The following ITGBL1 variants were observed in gnomAD, a reference collection of about 807,000 sequenced individuals.
The protein encoded by ITGBL1 is integrin subunit beta like 1, also known as integrin beta-like protein 1.
ITGBL1 carries 51 observed loss-of-function variants against 68.5 expected under a neutral mutation model. That is an observed-to-expected ratio of 0.74 (90% confidence interval 0.59 to 0.94). ITGBL1 has a LOEUF of 0.94. ITGBL1 is among the 40% of genes least tolerant of loss of function. ITGBL1 has a pLI of 0.00. For missense variants in ITGBL1, 649 were observed against 647.4 expected (o/e 1.00, Z -0.03); for synonymous variants, 209 against 227.3 (o/e 0.92, Z 0.72).
At chr13:101,482,701 C>CG (rs2048643172) in intron 2 of ITGBL1, among the ~76,000 whole-genome samples, 1 of 151,954 alleles carries the variant, frequency 6.6e-6, no homozygotes, top group Admixed American at 6.6e-5. Flanking sequence ...TTTTCAAATA[C>CG]TCATAGGTGT....
chr13:101,530,731 A>G (rs2049459339), intron 2 of ITGBL1, among the ~76,000 whole-genome samples: 2 of 152,226 alleles, frequency 1.3e-5, no homozygotes, highest in Non-Finnish European at 2.9e-5. Context: ...TAACACACAC[A>G]TTAAATCTTC....
intron 2 of ITGBL1, among the ~76,000 whole-genome samples, chr13:101,509,960 A>C (rs2049088940): frequency 6.6e-6 from 1 of 152,170 alleles, no homozygotes; most frequent in African/African-American, 2.4e-5. Flanking sequence ...TGATCTTGAA[A>C]GAACAAAAGA....
intron 7 of ITGBL1, among the ~76,000 whole-genome samples, chr13:101,657,224 G>C (rs2032954603): frequency 6.6e-6 from 1 of 152,106 alleles, no homozygotes; most frequent in African/African-American, 2.4e-5. Context: ...CTTTTATTAT[G>C]CTTAGCCCAG....
chr13:101,603,844 G>A lies in ITGBL1; in HGVS notation c.1015+5545G>A, dbSNP rs140492763. Among the ~76,000 whole-genome samples, 104 of 151,958 alleles carry A rather than the reference G, an allele frequency of 6.8e-4. 1 individual carries two copies. Among genetic ancestry groups the A allele is most frequent in the African/African-American group, 2.3e-3 (97 of 41,514 alleles). Reference sequence around the variant, plus strand: ...CTTTTTCAGTTACATTTAAGTTAGAGAACTTTAGGTACAGTGATTTTTACT... The same window carrying A: ...CTTTTTCAGTTACATTTAAGTTAGAAAACTTTAGGTACAGTGATTTTTACT... On this transcript the variant is annotated intron_variant, in intron 7 of 10. Coordinates refer to ENST00000376180, the MANE Select transcript of ITGBL1 (RefSeq NM_004791.3).
intron 2 of ITGBL1, among the ~76,000 whole-genome samples, chr13:101,479,541 A>C (rs936713623): frequency 1.3e-5 from 2 of 152,136 alleles, no homozygotes; most frequent in Non-Finnish European, 2.9e-5. Context: ...ATAGGATAAA[A>C]TATTTGCAAA....
chr13:101,598,276 C>G lies in ITGBL1; in HGVS notation c.992C>G (p.Ser331Trp), dbSNP rs149452109. 103 of 1,612,844 alleles carry G rather than the reference C, an allele frequency of 6.4e-5. No individual in the cohort carries two copies. Among genetic ancestry groups the G allele is most frequent in the South Asian group, 4.1e-4 (37 of 90,942 alleles). The part of the protein sequence containing the change: ...EESIRKCQGS[S>W]DLPCSGRGKC... ...AGCATCAGGAAGTGCCAGGGAAGCTCGGATCTGCCTTGCTCTGGGAGGGGT... is the reference window on the plus strand; with the variant it reads ...AGCATCAGGAAGTGCCAGGGAAGCTGGGATCTGCCTTGCTCTGGGAGGGGT... The change falls in exon 7 of 11, where the codon TCG (serine) becomes TGG (tryptophan). Residue 331 changes from serine (S) to tryptophan (W), a missense_variant. Ser to Trp is a radical substitution (Grantham distance 177, BLOSUM62 -3). Transcript: ENST00000376180.
At chr13:101,652,334 G>C (rs1041455295) in intron 7 of ITGBL1, among the ~76,000 whole-genome samples, 1 of 152,062 alleles carries the variant, frequency 6.6e-6, no homozygotes, top group Non-Finnish European at 1.5e-5. Flanking sequence ...TTCAGCAACA[G>C]GGTGGCCATG....
chr13:101,646,892 T>A (rs895969562), intron 7 of ITGBL1, among the ~76,000 whole-genome samples: 2 of 152,108 alleles, frequency 1.3e-5, no homozygotes, highest in Non-Finnish European at 2.9e-5. Context: ...GAGAAAGAAA[T>A]TCAAATATCA....
intron 7 of ITGBL1, among the ~76,000 whole-genome samples, chr13:101,639,361 T>A (rs368256769): frequency 1.3e-5 from 2 of 152,198 alleles, no homozygotes; most frequent in African/African-American, 4.8e-5. Context: ...TTGGAAAGAC[T>A]GATAATGTTG....
At chr13:101,640,501 A>T (rs2032326140) in intron 7 of ITGBL1, among the ~76,000 whole-genome samples, 2 of 152,166 alleles carry the variant, frequency 1.3e-5, no homozygotes, top group South Asian at 4.1e-4. Flanking sequence ...ATCTCACCGT[A>T]TATTTTTTTA....
chr13:101,537,873 A>G (rs573873784), intron 2 of ITGBL1, among the ~76,000 whole-genome samples: 1 of 152,060 alleles, frequency 6.6e-6, no homozygotes, highest in Non-Finnish European at 1.5e-5. Context: ...GGTCAGTTGC[A>G]GCTTAATCAA....
chr13:101,481,987 G>C (rs1412170711), intron 2 of ITGBL1, among the ~76,000 whole-genome samples: 1 of 152,008 alleles, frequency 6.6e-6, no homozygotes, highest in Non-Finnish European at 1.5e-5. Context: ...ATATTTGGGA[G>C]GCAAAGGAAT....
intron 7 of ITGBL1, among the ~76,000 whole-genome samples, chr13:101,673,560 A>G (rs2033428402): frequency 6.6e-6 from 1 of 152,182 alleles, no homozygotes. Flanking sequence ...TTACAACAGG[A>G]CTTACCTAAT....
chr13:101,674,545 ATTTC>A (rs1055591438), intron 7 of ITGBL1, among the ~76,000 whole-genome samples: 2 of 151,514 alleles, frequency 1.3e-5, no homozygotes, highest in African/African-American at 4.9e-5. Flanking sequence ...GTTACTTTCT[ATTTC>A]TTTCTTATGA....
chr13:101,688,064 T>C (rs1214216268), intron 7 of ITGBL1, among the ~76,000 whole-genome samples: 3 of 152,042 alleles, frequency 2.0e-5, no homozygotes, highest in Non-Finnish European at 2.9e-5. Context: ...ATAATAATAT[T>C]ATTTAGTAAA....
chr13:101,466,083 G>A (rs1308353863), intron 2 of ITGBL1, among the ~76,000 whole-genome samples: 1 of 152,106 alleles, frequency 6.6e-6, no homozygotes, highest in Non-Finnish European at 1.5e-5. Flanking sequence ...ACTAAACTAT[G>A]GCCAACTTTG....
Position 101,641,530 on chromosome 13 carries a change from T to C in ITGBL1, c.1015+43231T>C, listed in dbSNP as rs866954104. ...GTTTATGTGTCTTTCTTTTTTATTT[T>C]ATTTTATTTTATTTATTTTTATTTT... On this transcript the variant is annotated intron_variant, in intron 7 of 10. Coordinates refer to ENST00000376180, the MANE Select transcript of ITGBL1 (RefSeq NM_004791.3). 3.3e-5 allele frequency among the ~76,000 whole-genome samples: 5 copies of C among 149,698 alleles called. No homozygotes were observed. In the East Asian group the frequency reaches 7.7e-4, roughly 23 times the overall value.
chr13:101,577,726 ATATAC>A (rs2050387104), intron 4 of ITGBL1, among the ~76,000 whole-genome samples: 1 of 152,090 alleles, frequency 6.6e-6, no homozygotes, highest in Non-Finnish European at 1.5e-5. Flanking sequence ...AAAGCAATTA[ATATAC>A]ACTATTGCTT....
chr13:101,613,751 A>G (rs1319775624), intron 7 of ITGBL1, among the ~76,000 whole-genome samples: 1 of 152,122 alleles, frequency 6.6e-6, no homozygotes, highest in Non-Finnish European at 1.5e-5. Flanking sequence ...TTTTTAAAAT[A>G]CCAGTGCTGA....
Sources: allele counts gnomAD v4.1 joint callset (sites outside exome capture counted in the v4.1 genomes callset), GRCh38; gene constraint gnomAD v4.1.1; transcripts MANE v1.5; gene names NCBI Gene and HGNC (gene_info 2026-07-23, HGNC 2026-07-21).